FMN1: variants seen among roughly 807,000 people sequenced by gnomAD.
FMN1 encodes the protein formin-1.
In FMN1, 110 loss-of-function variants were observed where a neutral mutation model predicts 132.4. That is an observed-to-expected ratio of 0.83 (90% confidence interval 0.71 to 0.97). FMN1 has a LOEUF of 0.97. Ranked by LOEUF, FMN1 falls within the 50% of genes least tolerant of loss-of-function variation. FMN1 has a pLI of 0.00. For synonymous variants in FMN1, 722 were observed against 651.7 expected (o/e 1.11, Z -1.64); for missense variants, 1,792 against 1,705.3 (o/e 1.05, Z -0.90).
At chr15:33,001,160 G>A (rs2034079865) in intron 7 of FMN1, among the ~76,000 whole-genome samples, 1 of 152,148 alleles carries the variant, frequency 6.6e-6, no homozygotes, top group South Asian at 2.1e-4. Context: ...GCACATGCTT[G>A]TAATTCCAGC....
intron 6 of FMN1, among the ~76,000 whole-genome samples, chr15:33,031,583 T>G (rs1222728552): frequency 6.6e-6 from 1 of 152,232 alleles, no homozygotes; most frequent in Non-Finnish European, 1.5e-5. Context: ...CATCATATGC[T>G]TCATTTCATG....
chr15:32,820,582 G>C (rs1469944662), intron 17 of FMN1, among the ~76,000 whole-genome samples: 2 of 152,088 alleles, frequency 1.3e-5, no homozygotes, highest in African/African-American at 4.8e-5. Flanking sequence ...TATCCTTCCA[G>C]AACTTCTGAG....
rs1194815237 is a variant in FMN1, at chr15:32,774,159, G to A, written c.*151C>T. The A allele has an allele frequency of 3.0e-6, 2 of 662,216 alleles. No individual in the cohort carries two copies. The highest frequency in any genetic ancestry group is 5.3e-6 in the Non-Finnish European group (2 of 373,948). 41.0% of individuals were successfully genotyped at this position (662,216 alleles called of 1,614,324 possible). A position where few individuals can be genotyped will look rare whatever the true frequency, so the allele number is the denominator to read the frequency against. The stretch of plus-strand genomic sequence containing the variant: ...GAGGGACTTCTTAAAGAAGGCATGG[G>A]GCACTCTCTGCAGATGACCTCAGAA... On this transcript the variant is annotated 3_prime_UTR_variant, in exon 21 of 21. Coordinates refer to ENST00000616417, the MANE Select transcript of FMN1 (RefSeq NM_001277313.2).
intron 19 of FMN1, among the ~76,000 whole-genome samples, chr15:32,793,041 A>T (rs1425818702): frequency 6.6e-6 from 1 of 152,150 alleles, no homozygotes; most frequent in Non-Finnish European, 1.5e-5. Context: ...AAAAGGAAAT[A>T]AGGAAATGAA....
At chr15:33,165,502 TGCCTCA>T (rs1209708770) in intron 3 of FMN1, among the ~76,000 whole-genome samples, 2 of 152,186 alleles carry the variant, frequency 1.3e-5, no homozygotes, top group Non-Finnish European at 2.9e-5. Context: ...GCCATTCTCT[TGCCTCA>T]GCCTCCCGAG....
intron 15 of FMN1, among the ~76,000 whole-genome samples, chr15:32,894,604 A>ATTCAAACAAAGTACTTCTCAGGC (rs2060110127): frequency 1.3e-5 from 2 of 152,110 alleles, no homozygotes; most frequent in African/African-American, 2.4e-5. Context: ...CTTGAGAAAG[A>ATTCAAACAAAGTACTTCTCAGGC]TTCAAACAAA....
At chr15:33,104,812 T>C (rs771970672) in intron 4 of FMN1, among the ~76,000 whole-genome samples, 8 of 152,156 alleles carry the variant, frequency 5.3e-5, no homozygotes, top group South Asian at 2.1e-4. Flanking sequence ...CTAAAGGGAT[T>C]TGACACTACT....
intron 4 of FMN1, among the ~76,000 whole-genome samples, chr15:33,152,145 A>T (rs1485436228): frequency 6.6e-6 from 1 of 152,240 alleles, no homozygotes; most frequent in Admixed American, 6.5e-5. Flanking sequence ...AAGAACACAT[A>T]ACCTGCACAA....
intron 7 of FMN1, among the ~76,000 whole-genome samples, chr15:32,979,480 C>T (rs552846003): frequency 2.0e-4 from 29 of 145,630 alleles, no homozygotes; most frequent in South Asian, 2.3e-4. Context: ...AGCGTGAACC[C>T]GGGAGGCGGA....
At chr15:33,166,117 C>G (rs981986034) in intron 3 of FMN1, among the ~76,000 whole-genome samples, 47 of 152,172 alleles carry the variant, frequency 3.1e-4, no homozygotes, top group African/African-American at 1.1e-3. Flanking sequence ...TTGAGCCAAA[C>G]CACCATCATG....
intron 9 of FMN1, among the ~76,000 whole-genome samples, chr15:32,936,059 A>G (rs754907842): frequency 3.9e-5 from 6 of 152,082 alleles, no homozygotes; most frequent in Non-Finnish European, 8.8e-5. Context: ...TGGTTATTGT[A>G]TTCTTTAGCC....
At chr15:32,966,208 G>T (rs1296033945) in intron 8 of FMN1, among the ~76,000 whole-genome samples, 2 of 152,102 alleles carry the variant, frequency 1.3e-5, no homozygotes, top group African/African-American at 2.4e-5. Flanking sequence ...TCAGGCCAGT[G>T]TAACTAGTAT....
At position 33,164,580 on chromosome 15, in the gene FMN1, G is replaced by A. The variant is rs1484241220; in HGVS notation, c.-131-9535C>T. Reference sequence around the variant, plus strand: ...CATTGAAGATTCTCTCAAAGACGTCGAGGAATTCTTTCTTTGCCTCTCCCT... The same window carrying A: ...CATTGAAGATTCTCTCAAAGACGTCAAGGAATTCTTTCTTTGCCTCTCCCT... On this transcript the variant is annotated intron_variant, in intron 3 of 20. Transcript: ENST00000616417. Among the ~76,000 whole-genome samples the A allele has an allele frequency of 2.6e-5, 4 of 152,244 alleles. No individual in the cohort carries two copies. The South Asian group carries it at 6.2e-4, about 24-fold the overall frequency.
chr15:33,126,100 T>C (rs1963038846), intron 4 of FMN1, among the ~76,000 whole-genome samples: 1 of 152,092 alleles, frequency 6.6e-6, no homozygotes, highest in South Asian at 2.1e-4. Context: ...ACTGTGTAAA[T>C]GTTACGCTTT....
At chr15:33,046,956 C>T (rs1033924604) in intron 6 of FMN1, among the ~76,000 whole-genome samples, 13 of 152,150 alleles carry the variant, frequency 8.5e-5, no homozygotes, top group Non-Finnish European at 1.5e-4. Context: ...ACCCGCTGTT[C>T]AAGCCAGTCT....
chr15:32,815,119 T>C (rs2058015706), intron 17 of FMN1, among the ~76,000 whole-genome samples: 1 of 152,060 alleles, frequency 6.6e-6, no homozygotes, highest in African/African-American at 2.4e-5. Flanking sequence ...ATTTTTTGTA[T>C]TTTTAGTAGA....
chr15:33,178,138 A>G (rs1421037698), intron 3 of FMN1, among the ~76,000 whole-genome samples: 2 of 152,220 alleles, frequency 1.3e-5, no homozygotes, highest in East Asian at 3.8e-4. Flanking sequence ...AATGTAAAAA[A>G]ATTTAAATGA....
At chr15:32,934,473 T>G (rs1294994259) in intron 9 of FMN1, among the ~76,000 whole-genome samples, 1 of 152,204 alleles carries the variant, frequency 6.6e-6, no homozygotes, top group Non-Finnish European at 1.5e-5. Flanking sequence ...GTCATGCCCT[T>G]TTCATTTCAA....
At chr15:33,066,459 AAT>A in intron 5 of FMN1, 1 of 1,395,400 alleles carries the variant, frequency 7.2e-7, no homozygotes. Flanking sequence ...CCTGGAAAGA[AAT>A]ACAGCAGCAC....
Sources: gnomAD v4.1 joint callset for allele counts (sites outside exome capture counted in the v4.1 genomes callset) on GRCh38, gnomAD v4.1.1 for gene constraint, MANE v1.5 for transcripts, NCBI Gene and HGNC (gene_info 2026-07-23, HGNC 2026-07-21) for gene names.